The following IL23R variants were observed in gnomAD, a reference collection of about 807,000 sequenced individuals.
IL23R encodes the protein interleukin-23 receptor.
In IL23R, 34 loss-of-function variants were observed where a neutral mutation model predicts 56.9. That is an observed-to-expected ratio of 0.60 (90% CI 0.45 to 0.80). The LOEUF is 0.80. IL23R is among the 30% of genes least tolerant of loss of function. The pLI, the probability that IL23R is intolerant of heterozygous loss-of-function variation, is 0.00. For synonymous variants in IL23R, 230 were observed against 249.2 expected, an observed-to-expected ratio of 0.92 and a Z score of 0.73; for missense variants, 635 against 730.0, an observed-to-expected ratio of 0.87 and a Z score of 1.50.
intron 9 of IL23R, among the ~76,000 whole-genome samples, chr1:67,250,604 AG>A (rs1652545217): frequency 6.6e-6 from 1 of 152,238 alleles, no homozygotes; most frequent in African/African-American, 2.4e-5. Flanking sequence ...TAATCGTTAA[AG>A]CCATTTTTAT....
chr1:67,163,787 G>A (rs550631275), upstream of IL23R, among the ~76,000 whole-genome samples: 24 of 152,276 alleles, frequency 1.6e-4, no homozygotes, highest in African/African-American at 4.6e-4. Context: ...CAGAAGCCAG[G>A]CGGATGTTGG....
downstream of IL23R, among the ~76,000 whole-genome samples, chr1:67,263,104 T>C (rs558610233): frequency 7.9e-6 from 1 of 127,196 alleles, no homozygotes; most frequent in African/African-American, 3.0e-5. Flanking sequence ...TTAATTGGAA[T>C]TTCTTTCCTT....
chr1:67,222,501 T>C (rs1333234612), intron 7 of IL23R, among the ~76,000 whole-genome samples: 1 of 152,240 alleles, frequency 6.6e-6, no homozygotes, highest in Non-Finnish European at 1.5e-5. Context: ...CTGTTAACAA[T>C]TCGTGGACTT....
intron 1 of IL23R, among the ~76,000 whole-genome samples, chr1:67,152,842 C>T (rs185622367): frequency 7.9e-5 from 12 of 152,250 alleles, no homozygotes; most frequent in African/African-American, 2.2e-4. Flanking sequence ...CTCCTGGATT[C>T]GGTTTGCCAG....
chr1:67,195,658 G>GA (rs1250465775), intron 4 of IL23R, among the ~76,000 whole-genome samples: 1 of 152,062 alleles, frequency 6.6e-6, no homozygotes, highest in African/African-American at 2.4e-5. Context: ...AGGTAACACA[G>GA]AAAAAATGCA....
At chr1:67,140,288 C>A (rs376173934) in intron 1 of IL23R, among the ~76,000 whole-genome samples, 2 of 151,582 alleles carry the variant, frequency 1.3e-5, no homozygotes, top group East Asian at 3.9e-4. Context: ...TTCTGTATGT[C>A]AAAAAAAGTC....
chr1:67,247,163 T>C (rs1231879218), intron 9 of IL23R, among the ~76,000 whole-genome samples: 4 of 152,168 alleles, frequency 2.6e-5, no homozygotes, highest in Non-Finnish European at 5.9e-5. Context: ...TTCCATTTTC[T>C]TGGTAAATCT....
intron 5 of IL23R, among the ~76,000 whole-genome samples, chr1:67,205,042 A>G (rs1015888878): frequency 1.4e-4 from 21 of 152,144 alleles, no homozygotes; most frequent in Non-Finnish European, 2.6e-4. Flanking sequence ...GGCCTCCCCA[A>G]AGTGTTGGGA....
At chr1:67,155,662 T>G (rs1646765084) in intron 1 of IL23R, among the ~76,000 whole-genome samples, 1 of 152,232 alleles carries the variant, frequency 6.6e-6, no homozygotes, top group Non-Finnish European at 1.5e-5. Flanking sequence ...TGTTCCTCTC[T>G]AAACTGGTTA....
intron 3 of IL23R, among the ~76,000 whole-genome samples, chr1:67,173,106 A>C (rs1357053701): frequency 1.3e-5 from 2 of 152,146 alleles, no homozygotes; most frequent in Non-Finnish European, 2.9e-5. Flanking sequence ...GCAAAAACAT[A>C]AGCCCCCTTT....
At chr1:67,178,246 A>C (rs1048838990) in intron 3 of IL23R, among the ~76,000 whole-genome samples, 1 of 152,148 alleles carries the variant, frequency 6.6e-6, no homozygotes, top group African/African-American at 2.4e-5. Context: ...CTTCCTCCCC[A>C]TGAGCATGGA....
At chr1:67,139,187 G>T (rs924832862) in intron 1 of IL23R, 26 of 152,136 alleles carry the variant, frequency 1.7e-4, no homozygotes, top group Admixed American at 1.5e-3. Flanking sequence ...GTATAAACCA[G>T]TCTGATTTAT....
intron 4 of IL23R, among the ~76,000 whole-genome samples, chr1:67,186,055 A>G (rs988560382): frequency 4.6e-5 from 7 of 152,216 alleles, no homozygotes; most frequent in Non-Finnish European, 1.0e-4. Context: ...TGGCTACACC[A>G]CTGGAGACTA....
chr1:67,242,464 A>G lies in IL23R; in HGVS notation c.1148+2183A>G, dbSNP rs1393284218. Reference sequence around the variant, plus strand: ...AATATTCAAAGTTAAGAGTCTCATGATAGTAGAGAAGTCTTAATCCATGAT... The same window carrying G: ...AATATTCAAAGTTAAGAGTCTCATGGTAGTAGAGAAGTCTTAATCCATGAT... On this transcript the variant is annotated intron_variant, in intron 9 of 10. Transcript: ENST00000347310. Among the ~76,000 whole-genome samples the G allele has an allele frequency of 2.6e-5, 4 of 152,212 alleles. No individual in the cohort carries two copies. In the East Asian group the frequency reaches 7.7e-4, roughly 29 times the overall value.
intron 4 of IL23R, among the ~76,000 whole-genome samples, chr1:67,200,233 A>G (rs1347766576): frequency 4.6e-5 from 7 of 152,070 alleles, no homozygotes; most frequent in East Asian, 3.9e-4. Context: ...TGGTAGAGAC[A>G]GGGTTTCACC....
intron 4 of IL23R, among the ~76,000 whole-genome samples, chr1:67,194,800 A>G (rs1172812517): frequency 6.6e-6 from 1 of 152,196 alleles, no homozygotes; most frequent in East Asian, 1.9e-4. Flanking sequence ...TTGTTTTCAC[A>G]TTTGAATTCT....
intron 4 of IL23R, among the ~76,000 whole-genome samples, chr1:67,185,190 G>A (rs1334315227): frequency 6.6e-6 from 1 of 152,182 alleles, no homozygotes; most frequent in Non-Finnish European, 1.5e-5. Flanking sequence ...GTATAGACAA[G>A]GGAACTGAGA....
At chr1:67,196,369 A>G (rs1363947036) in intron 4 of IL23R, 1 of 152,174 alleles carries the variant, frequency 6.6e-6, no homozygotes, top group Non-Finnish European at 1.5e-5. Flanking sequence ...CTCTTAAAAA[A>G]AAATTATTTT....
chr1:67,178,320 AAGAGGTCCTT>A (rs1443533558), intron 3 of IL23R, among the ~76,000 whole-genome samples: 2 of 152,056 alleles, frequency 1.3e-5, no homozygotes, highest in African/African-American at 2.4e-5. Flanking sequence ...GTTCTCTTTG[AAGAGGTCCTT>A]CACATCCCTT....
Sources: allele counts gnomAD v4.1 joint callset (sites outside exome capture counted in the v4.1 genomes callset), GRCh38; gene constraint gnomAD v4.1.1; transcripts MANE v1.5; gene names NCBI Gene and HGNC (gene_info 2026-07-23, HGNC 2026-07-21).